PTPRG: variants seen among roughly 807,000 people sequenced by gnomAD.
The protein encoded by PTPRG is receptor-type tyrosine-protein phosphatase gamma.
Under a neutral mutation model 165.3 loss-of-function variants are expected in PTPRG, and 102 were observed. That is an observed-to-expected ratio of 0.62 (90% CI 0.53 to 0.73). The LOEUF (loss-of-function observed/expected upper bound fraction) is 0.73. Among genes scored for constraint, PTPRG ranks in the 30% least tolerant of loss-of-function variants. PTPRG has a pLI of 0.00. For missense variants in PTPRG, 1,866 were observed against 1,861.4 expected, an observed-to-expected ratio of 1.00 and a Z score of -0.05; for synonymous variants, 675 against 669.5, an observed-to-expected ratio of 1.01 and a Z score of -0.13.
rs1700961188 is a variant in PTPRG, at chr3:62,233,779, A to G, written c.2375+2468A>G. 6.6e-6 allele frequency among the ~76,000 whole-genome samples: 1 copy of G among 152,254 alleles called. No individual in the cohort carries two copies. The highest frequency in any genetic ancestry group is 6.5e-5 in the Admixed American group (1 of 15,286). ...ACAGAGAATTGCTAAAAGCAGGACA[A>G]CAGCTGTGAGAGGTGATTATCCTCC... On this transcript the variant is annotated intron_variant, in intron 14 of 29. Coordinates refer to ENST00000474889, the MANE Select transcript of PTPRG (RefSeq NM_002841.4). The surrounding 1 kb of genome is among the most constrained non-coding windows in gnomAD (Gnocchi z 4.7).
At chr3:61,784,092 A>C (rs138853252) in intron 2 of PTPRG, among the ~76,000 whole-genome samples, 1 of 152,302 alleles carries the variant, frequency 6.6e-6, no homozygotes, top group Non-Finnish European at 1.5e-5. Flanking sequence ...CTGCATAGAG[A>C]AGGCTAGGAA....
chr3:61,992,339 A>G (rs979797124), intron 3 of PTPRG, among the ~76,000 whole-genome samples: 1 of 152,096 alleles, frequency 6.6e-6, no homozygotes, highest in African/African-American at 2.4e-5. Context: ...TTGTTTTAAC[A>G]CTAATAGAAA....
intron 1 of PTPRG, among the ~76,000 whole-genome samples, chr3:61,748,117 G>C (rs181401457): frequency 6.6e-6 from 1 of 152,210 alleles, no homozygotes; most frequent in Admixed American, 6.5e-5. Context: ...TCACTAATCA[G>C]TGTTTCTTTT....
At chr3:62,198,625 A>G (rs1258473853) in intron 10 of PTPRG, among the ~76,000 whole-genome samples, 1 of 152,238 alleles carries the variant, frequency 6.6e-6, no homozygotes. Flanking sequence ...TATTCAATAC[A>G]GTTGTCAAAA....
Position 61,624,058 on chromosome 3 carries a change from CCT to C in PTPRG, c.85+61691_85+61692del, listed in dbSNP as rs1456265064. Among the ~76,000 whole-genome samples, 11 of 152,142 alleles carry C rather than the reference CCT, an allele frequency of 7.2e-5. No individual in the cohort carries two copies. In the East Asian group the frequency reaches 7.7e-4, roughly 11 times the overall value. Reference sequence around the variant, plus strand: ...ACTGAACTCAGGAGCAGATCAAAACCCTCTCTAATTCCTTTACACTTGGGACC... The same window carrying C: ...ACTGAACTCAGGAGCAGATCAAAACCCTCTAATTCCTTTACACTTGGGACC... On this transcript the variant is annotated intron_variant, in intron 1 of 29. Coordinates refer to ENST00000474889, the MANE Select transcript of PTPRG (RefSeq NM_002841.4).
chr3:62,179,076 C>G (rs1358960557), intron 8 of PTPRG, among the ~76,000 whole-genome samples: 1 of 152,192 alleles, frequency 6.6e-6, no homozygotes, highest in East Asian at 1.9e-4. Context: ...ATTCCTCAAA[C>G]AAACACGGGT....
At chr3:61,976,831 A>C (rs1284026464) in intron 2 of PTPRG, among the ~76,000 whole-genome samples, 1 of 151,932 alleles carries the variant, frequency 6.6e-6, no homozygotes, top group South Asian at 2.1e-4. Flanking sequence ...GCCCACCATC[A>C]TGCCTGGCTA....
rs144250865 is a variant in PTPRG at position 61,822,270 on chromosome 3, G to A, written c.190+73288G>A. ...CACATCCCCAAATATGCAGTGAGTA[G>A]CCGTTGGGTTTCACGTTGTAATTGG... On this transcript the variant is annotated intron_variant, in intron 2 of 29. Coordinates refer to ENST00000474889, the MANE Select transcript of PTPRG (RefSeq NM_002841.4). Among the ~76,000 whole-genome samples, 298 of 152,326 alleles carry A rather than the reference G, an allele frequency of 2.0e-3. 2 individuals are homozygous for A. Among genetic ancestry groups the A allele is most frequent in the Middle Eastern group, 3.4e-3 (1 of 294 alleles).
At chr3:61,683,291 G>C (rs577985045) in intron 1 of PTPRG, among the ~76,000 whole-genome samples, 2 of 152,238 alleles carry the variant, frequency 1.3e-5, no homozygotes, top group Admixed American at 1.3e-4. Flanking sequence ...CAGCAGAGCC[G>C]AATGGCGTCA....
intron 2 of PTPRG, among the ~76,000 whole-genome samples, chr3:61,806,535 G>A (rs1229024334): frequency 1.3e-5 from 2 of 152,014 alleles, no homozygotes; most frequent in African/African-American, 4.8e-5. Context: ...TCTGATTTGT[G>A]GATTTTCTTG....
intron 1 of PTPRG, among the ~76,000 whole-genome samples, chr3:61,574,858 C>T (rs1700139948): frequency 2.6e-5 from 4 of 152,100 alleles, no homozygotes; most frequent in South Asian, 4.2e-4. Flanking sequence ...GCCCTGGCTT[C>T]GTAACAACCC....
At position 62,190,586 on chromosome 3, in the gene PTPRG, T is replaced by G. The variant is rs1699783473; in HGVS notation, c.1034-883T>G. Among the ~76,000 whole-genome samples, 5 of 152,276 alleles carry G rather than the reference T, an allele frequency of 3.3e-5. No homozygotes were observed. The South Asian group carries it at 1.0e-3, about 32-fold the overall frequency. On this transcript the variant is annotated intron_variant, in intron 8 of 29. Transcript: ENST00000474889. The surrounding 1 kb of genome is among the most constrained non-coding windows in gnomAD (Gnocchi z 5.2). ...AAGATGAATGAGCCTGACTTTTCCT[T>G]ACACCCCACGTCAGGATAATTACAC...
intron 2 of PTPRG, among the ~76,000 whole-genome samples, chr3:61,949,839 C>T (rs1696427689): frequency 6.6e-6 from 1 of 152,036 alleles, no homozygotes; most frequent in Non-Finnish European, 1.5e-5. Flanking sequence ...CCTCCACCTC[C>T]TGGGTTCAAG....
chr3:62,135,042 G>T (rs1189627984), intron 6 of PTPRG, among the ~76,000 whole-genome samples: 1 of 152,170 alleles, frequency 6.6e-6, no homozygotes, highest in African/African-American at 2.4e-5. Context: ...GGAGGCTGAG[G>T]TGGGTGAATC....
intron 2 of PTPRG, among the ~76,000 whole-genome samples, chr3:61,751,210 C>T (rs1414356747): frequency 6.6e-6 from 1 of 152,058 alleles, no homozygotes; most frequent in Non-Finnish European, 1.5e-5. Context: ...AGCATTTGGC[C>T]AATGTGTAAA....
At chr3:61,682,590 G>C (rs1165131762) in intron 1 of PTPRG, among the ~76,000 whole-genome samples, 2 of 152,182 alleles carry the variant, frequency 1.3e-5, no homozygotes, top group Admixed American at 1.3e-4. Flanking sequence ...TCTGTCCAAA[G>C]GTGGATTTTT....
intron 2 of PTPRG, among the ~76,000 whole-genome samples, chr3:61,853,364 C>G (rs903894353): frequency 6.6e-6 from 1 of 152,102 alleles, no homozygotes; most frequent in Non-Finnish European, 1.5e-5. Flanking sequence ...AAGACCAGGC[C>G]GTAAAGGAAT....
rs6801604 is a variant in PTPRG at position 61,609,199 on chromosome 3, T to C, written c.85+46827T>C. On this transcript the variant is annotated intron_variant, in intron 1 of 29. Coordinates refer to ENST00000474889, the MANE Select transcript of PTPRG (RefSeq NM_002841.4). ...TGTCCCCTTATCTGTAAAATTGGGCTAACCATCCCTCTATACCTTGCTGTG... is the reference window on the plus strand; with the variant it reads ...TGTCCCCTTATCTGTAAAATTGGGCCAACCATCCCTCTATACCTTGCTGTG... Among the ~76,000 whole-genome samples the C allele has an allele frequency of 7.1e-3, 1,088 of 152,316 alleles. 8 individuals carry two copies. The highest frequency in any genetic ancestry group is 0.025 in the African/African-American group (1,035 of 41,568).
At chr3:61,813,347 T>A (rs670207) in intron 2 of PTPRG, among the ~76,000 whole-genome samples, 41,239 of 111,922 alleles carry the variant, frequency 0.37, 6,379 homozygotes, top group East Asian at 0.6. Context: ...AAAAAAAAAA[T>A]AGAAAAAAAA....
Sources: gnomAD v4.1 joint callset for allele counts (sites outside exome capture counted in the v4.1 genomes callset) on GRCh38, gnomAD v4.1.1 for gene constraint, Gnocchi (gnomAD v3.1) non-coding constraint, MANE v1.5 for transcripts, NCBI Gene and HGNC (gene_info 2026-07-23, HGNC 2026-07-21) for gene names.